Variants in ALK observed in about 807,000 individuals in gnomAD.
ALK encodes the protein ALK receptor tyrosine kinase.
Under a neutral mutation model 163.1 loss-of-function variants are expected in ALK, and 74 were observed. The observed-to-expected ratio is 0.45, with a 90% CI of 0.38 to 0.55. The LOEUF is 0.55. ALK is among the 20% of genes least tolerant of loss of function. ALK has a pLI of 0.00. For missense variants in ALK, 2,063 were observed against 2,105.3 expected (o/e 0.98, Z 0.39); for synonymous variants, 960 against 843.2 (o/e 1.14, Z -2.40).
At chr2:29,348,410 G>A (rs1668016893) in intron 5 of ALK, among the ~76,000 whole-genome samples, 1 of 152,214 alleles carries the variant, frequency 6.6e-6, no homozygotes, top group African/African-American at 2.4e-5. Flanking sequence ...GCACCCAGGG[G>A]CTCAGCTCAT....
intron 3 of ALK, among the ~76,000 whole-genome samples, chr2:29,603,421 A>G (rs1675432954): frequency 6.6e-6 from 1 of 152,182 alleles, no homozygotes; most frequent in Non-Finnish European, 1.5e-5. Flanking sequence ...ATGTGATGCT[A>G]CACTAGAGTC....
chr2:29,294,292 C>G (rs1247841780), intron 9 of ALK, among the ~76,000 whole-genome samples: 1 of 152,190 alleles, frequency 6.6e-6, no homozygotes, highest in East Asian at 1.9e-4. Flanking sequence ...TTTTGCTCCT[C>G]CATCAGTGAC....
chr2:29,751,222 T>TG (rs1680357236), intron 1 of ALK, among the ~76,000 whole-genome samples: 2 of 152,162 alleles, frequency 1.3e-5, no homozygotes, highest in African/African-American at 2.4e-5. Context: ...TAAGGAGTGG[T>TG]GAGTGAGGGT....
At chr2:29,724,955 A>G (rs1324373997) in intron 1 of ALK, among the ~76,000 whole-genome samples, 1 of 152,098 alleles carries the variant, frequency 6.6e-6, no homozygotes, top group African/African-American at 2.4e-5. Context: ...GTCAAAAGTT[A>G]TAGCTTCAGC....
chr2:29,217,159 G>A (rs62640421), intron 23 of ALK, among the ~76,000 whole-genome samples: 37,058 of 148,928 alleles, frequency 0.25, 6,026 homozygotes, highest in East Asian at 0.73. Context: ...TAGTGTATGT[G>A]TTGTGTATAT....
chr2:29,466,220 G>A (rs964186746), intron 4 of ALK, among the ~76,000 whole-genome samples: 5 of 152,082 alleles, frequency 3.3e-5, no homozygotes, highest in Admixed American at 6.6e-5. Flanking sequence ...TTAAAAAGCC[G>A]TGAAAACACT....
chr2:29,638,268 G>A (rs937831195), intron 3 of ALK, among the ~76,000 whole-genome samples: 6 of 152,236 alleles, frequency 3.9e-5, no homozygotes, highest in African/African-American at 1.2e-4. Context: ...TTATTGTGAA[G>A]TCTGTGCCTA....
intron 1 of ALK, among the ~76,000 whole-genome samples, chr2:29,800,228 T>C (rs996789212): frequency 3.3e-5 from 5 of 152,140 alleles, no homozygotes; most frequent in African/African-American, 1.2e-4. Context: ...GGCTGAGAGA[T>C]AGCAGGATTA....
At chr2:29,607,749 AC>A (rs1402304435) in intron 3 of ALK, among the ~76,000 whole-genome samples, 1 of 152,002 alleles carries the variant, frequency 6.6e-6, no homozygotes, top group Non-Finnish European at 1.5e-5. Flanking sequence ...TTGACCTATG[AC>A]TGTTGGATGC....
intron 1 of ALK, among the ~76,000 whole-genome samples, chr2:29,778,099 G>T (rs1553360612): frequency 6.6e-6 from 1 of 152,214 alleles, no homozygotes; most frequent in Non-Finnish European, 1.5e-5. Flanking sequence ...AATAGCTCCA[G>T]TTATCCTCCC....
At chr2:29,578,147 T>C (rs1674577412) in intron 3 of ALK, among the ~76,000 whole-genome samples, 1 of 152,006 alleles carries the variant, frequency 6.6e-6, no homozygotes, top group Admixed American at 6.5e-5. Context: ...GTTCTCATGA[T>C]AGTGAATAAG....
chr2:29,646,563 C>G (rs1676881674), intron 3 of ALK, among the ~76,000 whole-genome samples: 1 of 152,142 alleles, frequency 6.6e-6, no homozygotes, highest in South Asian at 2.1e-4. Flanking sequence ...TGCCCTGAAG[C>G]CTCTTTGACC....
At chr2:29,439,854 C>T (rs1374833268) in intron 4 of ALK, among the ~76,000 whole-genome samples, 1 of 152,112 alleles carries the variant, frequency 6.6e-6, no homozygotes, top group Non-Finnish European at 1.5e-5. Flanking sequence ...GAGAACATGG[C>T]CTGGCTGACA....
chr2:29,908,087 A>G (rs1226182373), intron 1 of ALK, among the ~76,000 whole-genome samples: 1 of 152,100 alleles, frequency 6.6e-6, no homozygotes, highest in Non-Finnish European at 1.5e-5. Context: ...ACCCACACTA[A>G]AATACATTTC....
intron 11 of ALK, among the ~76,000 whole-genome samples, chr2:29,252,073 C>T (rs1286195528): frequency 2.6e-5 from 4 of 152,290 alleles, no homozygotes; most frequent in African/African-American, 9.6e-5. Context: ...TCCTCCTTTT[C>T]CCAGCTCCCC....
chr2:29,764,635 T>C (rs978459903), intron 1 of ALK, among the ~76,000 whole-genome samples: 2 of 152,144 alleles, frequency 1.3e-5, no homozygotes, highest in African/African-American at 4.8e-5. Context: ...GCTTAATATA[T>C]CCCATTAGGG....
At chr2:29,260,083 A>G (rs1028869361) in intron 11 of ALK, among the ~76,000 whole-genome samples, 24 of 152,074 alleles carry the variant, frequency 1.6e-4, no homozygotes, top group Admixed American at 2.0e-4. Flanking sequence ...CCTCTTTTTA[A>G]CTTCTATTTC....
chr2:29,234,442 T>C (rs1664314823), intron 13 of ALK, among the ~76,000 whole-genome samples: 2 of 152,164 alleles, frequency 1.3e-5, no homozygotes, highest in Non-Finnish European at 2.9e-5. Flanking sequence ...ACTCAAGTTT[T>C]ATTCCCAGTT....
At chr2:29,803,225 T>C (rs1193187146) in intron 1 of ALK, among the ~76,000 whole-genome samples, 1 of 152,186 alleles carries the variant, frequency 6.6e-6, no homozygotes, top group Non-Finnish European at 1.5e-5. Context: ...AAATCTGTCA[T>C]TGCTGCAACT....
Sources: gnomAD v4.1 joint callset for allele counts (sites outside exome capture counted in the v4.1 genomes callset) on GRCh38, gnomAD v4.1.1 for gene constraint, MANE v1.5 for transcripts, NCBI Gene and HGNC (gene_info 2026-07-23, HGNC 2026-07-21) for gene names.